CPSF1: variants seen among roughly 807,000 people sequenced by gnomAD.
The protein encoded by CPSF1 is cleavage and polyadenylation specific factor 1.
A neutral mutation model predicts 175.8 loss-of-function variants in CPSF1; 106 were observed. That is an observed-to-expected ratio of 0.60 (90% confidence interval 0.52 to 0.71). The LOEUF (loss-of-function observed/expected upper bound fraction) is 0.71. Among genes scored for constraint, CPSF1 ranks in the 30% least tolerant of loss-of-function variants. The pLI is 0.00. For synonymous variants in CPSF1, 1,024 were observed against 858.3 expected, an observed-to-expected ratio of 1.19 and a Z score of -3.37; for missense variants, 1,734 against 2,022.9, an observed-to-expected ratio of 0.86 and a Z score of 2.74.
chr8:144,396,334 C>T lies in CPSF1; in HGVS notation c.2979+14G>A, dbSNP rs782623578. 11 of 1,575,410 alleles carry T rather than the reference C, an allele frequency of 7.0e-6. No individual in the cohort carries two copies. The highest frequency in any genetic ancestry group is 3.5e-5 in the South Asian group (3 of 85,968). On this transcript the variant is annotated intron_variant, in intron 26 of 37. Transcript: ENST00000616140. ...AGCATCAGCCAGTGCTGCTGGGAACCGGCCGGGCCCCACCTGTCTGTTGAA... is the reference window on the plus strand; with the variant it reads ...AGCATCAGCCAGTGCTGCTGGGAACTGGCCGGGCCCCACCTGTCTGTTGAA...
In CPSF1 at chr8:144,395,327, G is replaced by T; in HGVS notation, c.3125C>A (p.Thr1042Lys). Reference sequence around the variant, plus strand: ...CATGCGTGGGATGCGGGCACACGGCGTGTTGGTGCTGGTGGCCACAGCATA... The same window carrying T: ...CATGCGTGGGATGCGGGCACACGGCTTGTTGGTGCTGGTGGCCACAGCATA... ...KVYAVATSTN[T>K]PCARIPRMTG... is the part of the protein sequence containing the mutation. Residue 1042 changes from threonine (T) to lysine (K), a missense_variant, in exon 28 of 38, where the codon ACG becomes AAG. Around this residue, in one of 10 missense-constraint regions of CPSF1, gnomAD observed 585 missense variants for 584.7 expected, o/e 1.00. Coordinates refer to ENST00000616140, the MANE Select transcript of CPSF1 (RefSeq NM_013291.3). The T allele has an allele frequency of 6.2e-7, 1 of 1,613,484 alleles. No homozygotes were observed. Among genetic ancestry groups the T allele is most frequent in the Non-Finnish European group, 8.5e-7 (1 of 1,179,966 alleles).
intron 2 of CPSF1, 65 bp from the exon 3 acceptor site, chr8:144,401,738 C>G (rs916088982): frequency 9.9e-6 from 15 of 1,515,742 alleles, no homozygotes; most frequent in Non-Finnish European, 1.3e-5. Context: ...ATCCGGGGAA[C>G]GAGAAAAGAC....
rs145338922 is a variant in CPSF1 at position 144,396,725 on chromosome 8, T to G, written c.2699A>C (p.Asn900Thr). The G allele has an allele frequency of 3.1e-6, 5 of 1,613,706 alleles. No homozygotes were observed. In the African/African-American group the frequency reaches 6.7e-5, roughly 22 times the overall value. The change falls in exon 25 of 38, where the codon AAC becomes ACC. Residue 900 changes from asparagine to threonine, a missense_variant. This residue lies in a region of CPSF1 where 585 missense variants were observed against 584.7 expected (regional missense o/e 1.00). Transcript: ENST00000616140. ...VRFKKVPHNI[N>T]FREKKPKPSK... is the part of the protein sequence containing the mutation. ...TGGCTTTGGCTTCTTCTCACGGAAGTTGATGTTGTGAGGGACCTGGGGGGG... is the reference window on the plus strand; with the variant it reads ...TGGCTTTGGCTTCTTCTCACGGAAGGTGATGTTGTGAGGGACCTGGGGGGG...
intron 4 of CPSF1, 69 bp from the exon 5 acceptor site, chr8:144,401,360 G>A (rs759559868): frequency 2.5e-6 from 4 of 1,611,048 alleles, no homozygotes; most frequent in East Asian, 2.2e-5. Context: ...GGCAACCAAC[G>A]GCTGTACCCA....
At chr8:144,396,550 G>C (rs782574815) in intron 25 of CPSF1, 48 bp downstream of exon 25, 1 of 1,608,094 alleles carries the variant, frequency 6.2e-7, no homozygotes, top group Non-Finnish European at 8.5e-7. Flanking sequence ...CTGCGGATGA[G>C]GCCGCGTCTC....
chr8:144,405,336 GT>G (rs1284924119), intron 2 of CPSF1, among the ~76,000 whole-genome samples: 1 of 152,108 alleles, frequency 6.6e-6, no homozygotes, highest in Non-Finnish European at 1.5e-5. Context: ...ACCTGGGAAT[GT>G]CTTGGCCGGG....
intron 6 of CPSF1, 43 bp from the exon 7 acceptor site, chr8:144,400,860 G>A: frequency 6.2e-7 from 1 of 1,609,004 alleles, no homozygotes; most frequent in Non-Finnish European, 8.5e-7. Context: ...GGGAGGCGGG[G>A]AGGGGAGCTC....
At chr8:144,397,045 G>T (rs1008882781) in intron 23 of CPSF1, 116 bp from the exon 24 acceptor site, 1 of 836,126 alleles carries the variant, frequency 1.2e-6, no homozygotes, top group Admixed American at 2.3e-5. Flanking sequence ...GTGGAGCCAT[G>T]TATGGGAAGG....
intron 2 of CPSF1, among the ~76,000 whole-genome samples, chr8:144,406,800 C>T (rs1222828415): frequency 6.6e-6 from 1 of 152,236 alleles, no homozygotes; most frequent in Admixed American, 6.5e-5. Flanking sequence ...CGGTGGCCAG[C>T]ATCCAAGGCA....
chr8:144,394,899 C>T lies in CPSF1; in HGVS notation c.3397G>A (p.Val1133Ile). The stretch of plus-strand genomic sequence containing the variant: ...CCCCTTACCCGCCCTCGGCACGTGA[C>T]CTCCTCCCCCTGCATGAGGCAGGTC... Reference protein sequence around the residue: ...AGTCLMQGEEVTCRGRILIMD... With the variant: ...AGTCLMQGEEITCRGRILIMD... Residue 1133 changes from valine to isoleucine, a missense_variant, in exon 30 of 38, where the codon GTC becomes ATC. Transcript: ENST00000616140. 6.2e-7 allele frequency: 1 copy of T among 1,612,188 alleles called. No homozygotes were observed. The highest frequency in any genetic ancestry group is 8.5e-7 in the Non-Finnish European group (1 of 1,179,536).
Position 144,393,926 on chromosome 8 carries a change from G to A in CPSF1, c.3972C>T (p.Ser1324=), listed in dbSNP as rs782544283. The part of the protein sequence containing the change: ...TPCRGATEGL[S]KKSVVWENKH... ...TATTCTCCCACACGACCGACTTTTT[G>A]CTGAGCCCTTCAGTGGCCCCCCGGC... Residue 1324 remains serine, a synonymous_variant, in exon 35 of 38, where the codon AGC becomes AGT. Transcript: ENST00000616140. 1.1e-5 allele frequency: 17 copies of A among 1,613,284 alleles called. No individual in the cohort carries two copies. The highest frequency in any genetic ancestry group is 1.4e-5 in the Non-Finnish European group (17 of 1,179,768).
chr8:144,394,750 G>C lies in CPSF1; in HGVS notation c.3461C>G (p.Pro1154Arg). 6.2e-7 allele frequency: 1 copy of C among 1,613,644 alleles called. No homozygotes were observed. The highest frequency in any genetic ancestry group is 8.5e-7 in the Non-Finnish European group (1 of 1,179,972). Residue 1154 changes from proline (P) to arginine (R), a missense_variant, in exon 31 of 38, where the codon CCC becomes CGC. Physicochemically the swap from Pro to Arg is moderately radical, Grantham distance 103 (BLOSUM62 -2). Around this residue, in one of 10 missense-constraint regions of CPSF1, gnomAD observed 62 missense variants for 124.5 expected, o/e 0.50. Coordinates refer to ENST00000616140, the MANE Select transcript of CPSF1 (RefSeq NM_013291.3). Reference sequence around the variant, plus strand: ...GACTTTGAACTTGTTCTTGGTCAAGGGCTGGCCAGGCTCGGGCACCACCTC... The same window carrying C: ...GACTTTGAACTTGTTCTTGGTCAAGCGCTGGCCAGGCTCGGGCACCACCTC... ...VIEVVPEPGQ[P>R]LTKNKFKVLY... is the part of the protein sequence containing the mutation.
At position 144,409,178 on chromosome 8, in the gene CPSF1, C is replaced by T; in HGVS notation, c.-14-6G>A. ...GTACATGGCGCCAACCCGGGCTGCG[C>T]AAGGCCGGGAGAGGAAGGGTGAGCG... On this transcript the variant is annotated splice_region_variant and splice_polypyrimidine_tract_variant and intron_variant, in intron 1 of 37. Coordinates refer to ENST00000616140, the MANE Select transcript of CPSF1 (RefSeq NM_013291.3). The T allele has an allele frequency of 6.3e-7, 1 of 1,598,258 alleles. No homozygotes were observed. The highest frequency in any genetic ancestry group is 8.5e-7 in the Non-Finnish European group (1 of 1,173,024).
In CPSF1 at chr8:144,393,750, C is replaced by T. The variant is rs782573263; in HGVS notation, c.4062G>A (p.Lys1354=). ...GIGLLLPMQE[K]TYRRLLMLQN... is the part of the protein sequence containing the mutation. ...GCAGCATCAGCAGCCGCCGGTAGGT[C>T]TTCTCCTGCATGGGCAGCAGCAGCC... is the stretch of plus-strand genomic sequence containing the variant. Residue 1354 remains lysine, a synonymous_variant, in exon 36 of 38, where the codon AAG becomes AAA. Transcript: ENST00000616140. 6.3e-7 allele frequency: 1 copy of T among 1,586,690 alleles called. No homozygotes were observed. The highest frequency in any genetic ancestry group is 1.1e-5 in the South Asian group (1 of 88,520).
intron 26 of CPSF1, chr8:144,396,023 A>G: frequency 2.3e-6 from 1 of 426,550 alleles, no homozygotes; most frequent in Non-Finnish European, 4.3e-6. Flanking sequence ...CCAAAGTCAC[A>G]GAGCAGCCAA....
In CPSF1 at chr8:144,399,940, G is replaced by C; in HGVS notation, c.1031+52C>G. ...GTGAAGGGGGCCAGGGGACCCTACA[G>C]GACTTGTGGGGGGCGGTGTGGGCAG... On this transcript the variant is annotated intron_variant, in intron 10 of 37. Coordinates refer to ENST00000616140, the MANE Select transcript of CPSF1 (RefSeq NM_013291.3). The surrounding 1 kb of genome is among the most constrained non-coding windows in gnomAD (Gnocchi z 6.4). 6.3e-7 allele frequency: 1 copy of C among 1,588,540 alleles called. No individual in the cohort carries two copies. The highest frequency in any genetic ancestry group is 8.6e-7 in the Non-Finnish European group (1 of 1,165,658).
rs1406508816 is a variant in CPSF1, at chr8:144,401,038, C to T, written c.425G>A (p.Arg142Gln). ...TGCACAGCGCCCGTCGGGGTCCACC[C>T]GCACTCGCGGCGTGTGTACATTCTG... ...FVQNVHTPRVRVDPDGRCAAM... is the reference protein window; with the variant it reads ...FVQNVHTPRVQVDPDGRCAAM... The change falls in exon 6 of 38, where the codon CGG becomes CAG. Residue 142 changes from arginine (R) to glutamine (Q), a missense_variant. Around this residue, in one of 10 missense-constraint regions of CPSF1, gnomAD observed 122 missense variants for 177.2 expected, o/e 0.69. Coordinates refer to ENST00000616140, the MANE Select transcript of CPSF1 (RefSeq NM_013291.3). 4.4e-6 allele frequency: 7 copies of T among 1,608,248 alleles called. No individual in the cohort carries two copies. Among genetic ancestry groups the T allele is most frequent in the East Asian group, 2.2e-5 (1 of 44,772 alleles).
chr8:144,406,893 A>G (rs2116906631), intron 2 of CPSF1, among the ~76,000 whole-genome samples: 6 of 152,194 alleles, frequency 3.9e-5, no homozygotes, highest in Admixed American at 2.6e-4. Flanking sequence ...GACCAGCAGA[A>G]TATGACAGAA....
intron 23 of CPSF1, 95 bp downstream of exon 23, chr8:144,397,111 GA>G: frequency 8.4e-7 from 1 of 1,190,970 alleles, no homozygotes. Context: ...GGCCGTGGGG[GA>G]GATGGGGTGG....
Sources: gnomAD v4.1 joint callset for allele counts (sites outside exome capture counted in the v4.1 genomes callset) on GRCh38, gnomAD v4.1.1 for gene constraint, gnomAD v4.1.1 regional missense constraint, Gnocchi (gnomAD v3.1) non-coding constraint, MANE v1.5 for transcripts, NCBI Gene and HGNC (gene_info 2026-07-23, HGNC 2026-07-21) for gene names.